ABCE1: variants seen among roughly 807,000 people sequenced by gnomAD.
The protein encoded by ABCE1 is ATP binding cassette subfamily E member 1, also known as ATP-binding cassette sub-family E member 1.
Under a neutral mutation model 83.4 loss-of-function variants are expected in ABCE1, and 22 were observed. The observed-to-expected ratio is 0.26, with a 90% CI of 0.19 to 0.38. The LOEUF is 0.38. Among genes scored for constraint, ABCE1 ranks in the 10% least tolerant of loss-of-function variants. The pLI is 1.00. For missense variants in ABCE1, 330 were observed against 721.9 expected (o/e 0.46, Z 6.22); for synonymous variants, 204 against 233.7 (o/e 0.87, Z 1.16).
chr4:145,112,393 T>C, intron 9 of ABCE1, 65 bp downstream of exon 9: 2 of 1,104,698 alleles, frequency 1.8e-6, no homozygotes, highest in South Asian at 1.5e-5. Context: ...TTTCTAAGGA[T>C]TAAACACTGG....
intron 10 of ABCE1, among the ~76,000 whole-genome samples, chr4:145,118,493 A>G (rs1235933729): frequency 1.3e-5 from 2 of 151,776 alleles, no homozygotes; most frequent in East Asian, 3.8e-4. Context: ...TCTTGCCAGT[A>G]GTCTTAAGGG....
chr4:145,099,874 G>C (rs905501804), intron 1 of ABCE1, among the ~76,000 whole-genome samples: 10 of 152,164 alleles, frequency 6.6e-5, no homozygotes, highest in African/African-American at 2.4e-4. Context: ...ATGACACTGA[G>C]GGTCATTGTT....
chr4:145,107,523 A>G (rs1358588600), intron 3 of ABCE1, among the ~76,000 whole-genome samples: 1 of 152,202 alleles, frequency 6.6e-6, no homozygotes. Flanking sequence ...AGGTTTTTCA[A>G]TAAGTATTAA....
intron 9 of ABCE1, among the ~76,000 whole-genome samples, chr4:145,115,061 A>T (rs1693509687): frequency 6.6e-6 from 1 of 151,982 alleles, no homozygotes; most frequent in South Asian, 2.1e-4. Flanking sequence ...TATCAGTAAC[A>T]TTGAAGACTA....
At chr4:145,107,814 T>C (rs1389205912) in intron 3 of ABCE1, among the ~76,000 whole-genome samples, 1 of 152,204 alleles carries the variant, frequency 6.6e-6, no homozygotes, top group Non-Finnish European at 1.5e-5. Flanking sequence ...TCCCCACATA[T>C]ACTGAGAGAC....
chr4:145,112,605 A>G (rs549541009), intron 9 of ABCE1, among the ~76,000 whole-genome samples: 1 of 152,160 alleles, frequency 6.6e-6, no homozygotes, highest in Non-Finnish European at 1.5e-5. Flanking sequence ...TTTACCAGCT[A>G]TCTTTTTCTC....
intron 3 of ABCE1, among the ~76,000 whole-genome samples, chr4:145,107,046 T>TAA (rs1560957858): frequency 1.3e-5 from 2 of 152,126 alleles, no homozygotes; most frequent in Non-Finnish European, 2.9e-5. Context: ...TGTCTGTACT[T>TAA]ACGAAAAATT....
Position 145,123,146 on chromosome 4 carries a change from TTTTTTTTA to T in ABCE1, c.1374+26_1374+33del, listed in dbSNP as rs1560965484. ...TTGATCAAGAGGTACTTTAACATAATTTTTTTTATTTTTTTATTATTTTGAATTTTGGA... is the reference window on the plus strand; with the variant it reads ...TTGATCAAGAGGTACTTTAACATAATTTTTTTTATTATTTTGAATTTTGGA... On this transcript the variant is annotated intron_variant, in intron 14 of 17. Coordinates refer to ENST00000296577, the MANE Select transcript of ABCE1 (RefSeq NM_002940.3). 2 of 1,573,880 alleles carry T rather than the reference TTTTTTTTA, an allele frequency of 1.3e-6. No homozygotes were observed. The highest frequency in any genetic ancestry group is 2.8e-5 in the African/African-American group (2 of 72,140).
chr4:145,129,330 T>C lies in ABCE1; in HGVS notation c.*1757T>C, dbSNP rs1749977370. Among the ~76,000 whole-genome samples the C allele has an allele frequency of 6.6e-6, 1 of 152,036 alleles. No homozygotes were observed. The highest frequency in any genetic ancestry group is 2.1e-4 in the South Asian group (1 of 4,826). ...TAGCAACAGAAAGGCCTACAATTGC[T>C]AACACAAGAAAAATACTTATAAAAT... On this transcript the variant is annotated 3_prime_UTR_variant, in exon 18 of 18. Transcript: ENST00000296577.
intron 4 of ABCE1, among the ~76,000 whole-genome samples, chr4:145,108,781 A>G (rs1206394127): frequency 1.3e-5 from 2 of 152,200 alleles, no homozygotes; most frequent in African/African-American, 2.4e-5. Flanking sequence ...CCTGCTGTGT[A>G]ATTTTGTACC....
intron 13 of ABCE1, 123 bp downstream of exon 13, chr4:145,121,514 C>G: frequency 1.4e-6 from 1 of 697,148 alleles, no homozygotes; most frequent in Non-Finnish European, 2.4e-6. Context: ...TTGATAGTTG[C>G]AAACAAATGT....
chr4:145,123,166 T>G (rs772782390), intron 14 of ABCE1, 35 bp downstream of exon 14: 1 of 1,584,352 alleles, frequency 6.3e-7, no homozygotes, highest in Non-Finnish European at 8.5e-7. Context: ...TTTTTTATTA[T>G]TTTGAATTTT....
chr4:145,100,480 T>C (rs1203348968), intron 1 of ABCE1, among the ~76,000 whole-genome samples: 1 of 152,260 alleles, frequency 6.6e-6, no homozygotes, highest in Non-Finnish European at 1.5e-5. Context: ...GAATTCATTA[T>C]GCTCTTTCAC....
At chr4:145,099,451 C>G (rs1489739411) in intron 1 of ABCE1, among the ~76,000 whole-genome samples, 2 of 152,154 alleles carry the variant, frequency 1.3e-5, no homozygotes, top group Non-Finnish European at 2.9e-5. Context: ...TTAGTGTAAC[C>G]AAAGGCTCAG....
At chr4:145,121,517 A>G in intron 13 of ABCE1, 126 bp downstream of exon 13, 1 of 688,844 alleles carries the variant, frequency 1.5e-6, no homozygotes, top group South Asian at 1.9e-5. Context: ...ATAGTTGCAA[A>G]CAAATGTATT....
At chr4:145,120,565 CTT>C (rs1749715440) in intron 11 of ABCE1, among the ~76,000 whole-genome samples, 1 of 151,910 alleles carries the variant, frequency 6.6e-6, no homozygotes, top group Non-Finnish European at 1.5e-5. Flanking sequence ...AGCAATCTAC[CTT>C]TGTAAATAAT....
chr4:145,104,196 A>T (rs528811053), intron 1 of ABCE1, among the ~76,000 whole-genome samples, 190 bp from the exon 2 acceptor site: 73 of 151,850 alleles, frequency 4.8e-4, no homozygotes, highest in African/African-American at 1.7e-3. Flanking sequence ...TATATGTAAA[A>T]TTTGATTTTC....
chr4:145,121,306 T>C (rs368000029), intron 12 of ABCE1, 27 bp from the exon 13 acceptor site: 2 of 1,612,546 alleles, frequency 1.2e-6, no homozygotes, highest in Admixed American at 3.3e-5. Flanking sequence ...CAGTTTTTAG[T>C]GTCTTATGTA....
chr4:145,121,190 A>G lies in ABCE1; in HGVS notation c.1161A>G (p.Thr387=), dbSNP rs1407184289. ...MLGENGTGKT[T]FIRMLAGRLK... The stretch of plus-strand genomic sequence containing the variant: ...TGTTGCCAGGAACGGGTAAAACGAC[A>G]TTTATCAGAATGCTTGCTGGAAGAC... The change falls in exon 12 of 18, where the codon ACA becomes ACG. Residue 387 remains threonine, a synonymous_variant. Coordinates refer to ENST00000296577, the MANE Select transcript of ABCE1 (RefSeq NM_002940.3). 17 of 1,613,522 alleles carry G rather than the reference A, an allele frequency of 1.1e-5. No homozygotes were observed. The highest frequency in any genetic ancestry group is 1.4e-5 in the Non-Finnish European group (17 of 1,179,908).
Sources: gnomAD v4.1 joint callset for allele counts (sites outside exome capture counted in the v4.1 genomes callset) on GRCh38, gnomAD v4.1.1 for gene constraint, MANE v1.5 for transcripts, NCBI Gene and HGNC (gene_info 2026-07-23, HGNC 2026-07-21) for gene names.